Variants in PROSER2 observed in about 807,000 individuals in gnomAD.
The protein encoded by PROSER2 is proline and serine rich 2, also known as proline and serine-rich protein 2.
A neutral mutation model predicts 14.6 loss-of-function variants in PROSER2; 18 were observed. That is an observed-to-expected ratio of 1.23 (90% confidence interval 0.85 to 1.83). The LOEUF is 1.83. Ranked by LOEUF, PROSER2 falls within the 40% of genes most tolerant of loss-of-function variation. The pLI is 0.00. For missense variants in PROSER2, 823 were observed against 629.8 expected, an observed-to-expected ratio of 1.31 and a Z score of -3.28; for synonymous variants, 367 against 286.4, an observed-to-expected ratio of 1.28 and a Z score of -2.84.
rs1564298698 is a variant in PROSER2, at chr10:11,823,687, C to T, written c.-82+217C>T. On this transcript the variant is annotated intron_variant, in intron 1 of 3. Coordinates refer to ENST00000277570, the MANE Select transcript of PROSER2 (RefSeq NM_153256.4). The surrounding 1 kb of genome is among the most constrained non-coding windows in gnomAD (Gnocchi z 6.2). ...GACCCCCGACCCCGGGGCGTCGCTG[C>T]CTCCTCGGGGACCTCGGAGTCGGGG... Among the ~76,000 whole-genome samples the T allele has an allele frequency of 6.6e-6, 1 of 151,948 alleles. No homozygotes were observed. Among genetic ancestry groups the T allele is most frequent in the Non-Finnish European group, 1.5e-5 (1 of 67,936 alleles).
chr10:11,837,028 T>A lies in PROSER2; in HGVS notation c.-82+13558T>A, dbSNP rs1227092764. ...CCGGAGTCCCCACCTGCCCATCACT[T>A]AGTAGCCAACTCAGTTCTCAGATCA... On this transcript the variant is annotated intron_variant, in intron 1 of 3. Coordinates refer to ENST00000277570, the MANE Select transcript of PROSER2 (RefSeq NM_153256.4). The surrounding 1 kb of genome is among the most constrained non-coding windows in gnomAD (Gnocchi z 4.6). Among the ~76,000 whole-genome samples, 4 of 152,304 alleles carry A rather than the reference T, an allele frequency of 2.6e-5. No homozygotes were observed. The highest frequency in any genetic ancestry group is 9.6e-5 in the African/African-American group (4 of 41,578).
rs1281462439 is a variant in PROSER2 at position 11,837,261 on chromosome 10, A to G, written c.-82+13791A>G. ...TCGCTGAGACCTACTGTAAGAACAA[A>G]TCATCTTCTGTCTGTGAAGGTGTGA... On this transcript the variant is annotated intron_variant, in intron 1 of 3. Coordinates refer to ENST00000277570, the MANE Select transcript of PROSER2 (RefSeq NM_153256.4). The surrounding 1 kb of genome is among the most constrained non-coding windows in gnomAD (Gnocchi z 4.6). 1.3e-5 allele frequency among the ~76,000 whole-genome samples: 2 copies of G among 152,194 alleles called. No individual in the cohort carries two copies. The highest frequency in any genetic ancestry group is 2.9e-5 in the Non-Finnish European group (2 of 68,032).
At chr10:11,857,355 A>G (rs958821064) in intron 2 of PROSER2, 1 of 152,212 alleles carries the variant, frequency 6.6e-6, no homozygotes, top group Admixed American at 6.5e-5. Flanking sequence ...CTGTACATGT[A>G]TCTCATTCTT....
chr10:11,851,438 G>A (rs577361933), intron 1 of PROSER2: 1 of 152,346 alleles, frequency 6.6e-6, no homozygotes, highest in Admixed American at 6.5e-5. Flanking sequence ...ATGGTAACAT[G>A]TTAGCTCTTG....
chr10:11,840,105 T>TC (rs1459864119), intron 1 of PROSER2, among the ~76,000 whole-genome samples: 1 of 151,498 alleles, frequency 6.6e-6, no homozygotes, highest in African/African-American at 2.4e-5. Flanking sequence ...GGTACACTCC[T>TC]CCACCCCTGG....
chr10:11,836,273 T>C lies in PROSER2; in HGVS notation c.-82+12803T>C, dbSNP rs1833759518. 6.6e-6 allele frequency among the ~76,000 whole-genome samples: 1 copy of C among 152,096 alleles called. No individual in the cohort carries two copies. The highest frequency in any genetic ancestry group is 6.6e-5 in the Admixed American group (1 of 15,252). ...GTGCAGTGGTGTGATCTCCACTCAC[T>C]GCAGCCTCCACCTTCCAGGTTCAAG... On this transcript the variant is annotated intron_variant, in intron 1 of 3. Coordinates refer to ENST00000277570, the MANE Select transcript of PROSER2 (RefSeq NM_153256.4). This position sits in a 1 kb window ranked among gnomAD's most constrained non-coding sequence, Gnocchi z 4.6.
rs564486631 is a variant in PROSER2, at chr10:11,870,632, C to G, written c.*226C>G. ...GAACTCTTCCCTAAAGGAATCTGGC[C>G]GAGGGCTTGTCTCCCTTTTCCCAAG... On this transcript the variant is annotated 3_prime_UTR_variant, in exon 4 of 4. Coordinates refer to ENST00000277570, the MANE Select transcript of PROSER2 (RefSeq NM_153256.4). 11 of 453,568 alleles carry G rather than the reference C, an allele frequency of 2.4e-5. No individual in the cohort carries two copies. Among genetic ancestry groups the G allele is most frequent in the Admixed American group, 1.3e-4 (3 of 22,774 alleles). 28.1% of individuals were successfully genotyped at this position (453,568 alleles called of 1,614,324 possible). A position where few individuals can be genotyped will look rare whatever the true frequency, so the allele number is the denominator to read the frequency against.
At chr10:11,846,790 T>TCACG (rs1833928589) in intron 1 of PROSER2, among the ~76,000 whole-genome samples, 1 of 152,188 alleles carries the variant, frequency 6.6e-6, no homozygotes, top group African/African-American at 2.4e-5. Context: ...GCCAGCTCTG[T>TCACG]CACGCAGGCC....
At chr10:11,855,874 C>T (rs1450081959) in intron 2 of PROSER2, among the ~76,000 whole-genome samples, 1 of 152,218 alleles carries the variant, frequency 6.6e-6, no homozygotes, top group Non-Finnish European at 1.5e-5. Context: ...ATGACTGAGG[C>T]TGTTCTAAGA....
chr10:11,845,905 C>T (rs2131063725), intron 1 of PROSER2, among the ~76,000 whole-genome samples: 1 of 152,334 alleles, frequency 6.6e-6, no homozygotes, highest in South Asian at 2.1e-4. Flanking sequence ...GAAGCTATAC[C>T]ACCTAGTATC....
At chr10:11,843,013 T>C (rs1833869293) in intron 1 of PROSER2, among the ~76,000 whole-genome samples, 2 of 140,374 alleles carry the variant, frequency 1.4e-5, no homozygotes, top group African/African-American at 5.3e-5. Flanking sequence ...CGATCTCGGC[T>C]CACTGCAAGT....
rs142569165 is a variant in PROSER2 at position 11,847,246 on chromosome 10, T to C, written c.-81-4751T>C. ...TACAGCTATTGCCTCATCTCTCTTT[T>C]CTGTTACTCTTTTCACCCCAAATTC... On this transcript the variant is annotated intron_variant, in intron 1 of 3. Transcript: ENST00000277570. Among the ~76,000 whole-genome samples the C allele has an allele frequency of 8.9e-3, 1,345 of 151,770 alleles. 9 individuals are homozygous for C. The highest frequency in any genetic ancestry group is 0.024 in the Middle Eastern group (7 of 292).
chr10:11,850,798 C>T (rs1834004756), intron 1 of PROSER2: 1 of 152,242 alleles, frequency 6.6e-6, no homozygotes, highest in Non-Finnish European at 1.5e-5. Flanking sequence ...ATTGCACTTT[C>T]TCCACAAATG....
chr10:11,840,027 A>G (rs1477351168), intron 1 of PROSER2, among the ~76,000 whole-genome samples: 1 of 151,298 alleles, frequency 6.6e-6, no homozygotes, highest in Non-Finnish European at 1.5e-5. Context: ...ATCTCAGCTC[A>G]CTGCAACCTC....
intron 1 of PROSER2, among the ~76,000 whole-genome samples, chr10:11,834,533 G>A (rs1442212431): frequency 4.0e-5 from 6 of 151,830 alleles, no homozygotes; most frequent in Admixed American, 3.3e-4. Flanking sequence ...TCAGGAGTTC[G>A]AGACAAGCCT....
Position 11,851,689 on chromosome 10 carries a change from C to T in PROSER2, c.-81-308C>T, listed in dbSNP as rs147744471. The T allele has an allele frequency of 3.3e-3, 511 of 155,478 alleles. 4 individuals are homozygous for T. Among genetic ancestry groups the T allele is most frequent in the African/African-American group, 0.011 (443 of 41,630 alleles). The allele number at this position is 155,478 out of a possible 1,614,324, so 9.6% of individuals were successfully genotyped here. A position where few individuals can be genotyped will look rare whatever the true frequency, so the allele number is the denominator to read the frequency against. ...CTATAATCCCAGGTACTCAGGAGGC[C>T]GGGGCAGGAGGATCGTTGGAGCCCA... is the stretch of plus-strand genomic sequence containing the variant. On this transcript the variant is annotated intron_variant, in intron 1 of 3. Transcript: ENST00000277570.
Position 11,869,972 on chromosome 10 carries a change from C to G in PROSER2, c.874C>G (p.His292Asp). 4 of 1,319,528 alleles carry G rather than the reference C, an allele frequency of 3.0e-6. No homozygotes were observed. The highest frequency in any genetic ancestry group is 4.4e-5 in the South Asian group (2 of 45,258). 81.7% of individuals were successfully genotyped at this position (1,319,528 alleles called of 1,614,324 possible). Residue 292 changes from histidine to aspartate, a missense_variant, in exon 4 of 4, where the codon CAC becomes GAC. By Grantham distance (81) the His-to-Asp change is moderately conservative. Transcript: ENST00000277570. The surrounding 1 kb of genome is among the most constrained non-coding windows in gnomAD (Gnocchi z 4.4). ...RAQVLATIHG[H>D]AGAFPAAGDA... The stretch of plus-strand genomic sequence containing the variant: ...GCAGGTGTTGGCCACCATCCACGGC[C>G]ACGCCGGCGCCTTCCCCGCCGCGGG...
intron 1 of PROSER2, among the ~76,000 whole-genome samples, chr10:11,831,231 G>A (rs1833685329): frequency 6.6e-6 from 1 of 152,026 alleles, no homozygotes; most frequent in Admixed American, 6.6e-5. Flanking sequence ...TTCTTGGGGT[G>A]GGGGTGTTGG....
At chr10:11,867,003 G>A (rs1181712152) in intron 3 of PROSER2, among the ~76,000 whole-genome samples, 1 of 152,168 alleles carries the variant, frequency 6.6e-6, no homozygotes, top group Non-Finnish European at 1.5e-5. Flanking sequence ...GGTGGCTCAA[G>A]CCTGTAATCC....
Sources: allele counts gnomAD v4.1 joint callset (sites outside exome capture counted in the v4.1 genomes callset), GRCh38; gene constraint gnomAD v4.1.1; non-coding constraint Gnocchi (gnomAD v3.1); transcripts MANE v1.5; gene names NCBI Gene and HGNC (gene_info 2026-07-23, HGNC 2026-07-21).